The following RAD51B variants were observed in gnomAD, a reference collection of about 807,000 sequenced individuals.
The protein encoded by RAD51B is DNA repair protein RAD51 homolog 2.
RAD51B carries 38 observed loss-of-function variants against 42.2 expected under a neutral mutation model. The observed-to-expected ratio is 0.90, with a 90% CI of 0.70 to 1.18. The LOEUF is 1.18. Ranked by LOEUF, RAD51B falls within the 50% of genes most tolerant of loss-of-function variation. RAD51B has a pLI of 0.00. For synonymous variants in RAD51B, 154 were observed against 145.2 expected (o/e 1.06, Z -0.43); for missense variants, 373 against 400.7 (o/e 0.93, Z 0.59).
At chr14:68,239,089 A>C (rs1429240633) in intron 7 of RAD51B, among the ~76,000 whole-genome samples, 2 of 152,254 alleles carry the variant, frequency 1.3e-5, no homozygotes, top group African/African-American at 4.8e-5. Flanking sequence ...TCACATAGAT[A>C]ACTAAGCTGT....
At chr14:68,194,355 C>G (rs1211078072) in intron 7 of RAD51B, among the ~76,000 whole-genome samples, 1 of 152,096 alleles carries the variant, frequency 6.6e-6, no homozygotes, top group Non-Finnish European at 1.5e-5. Context: ...CTGCTGTGTT[C>G]AGGACTGCTA....
chr14:68,067,403 G>A (rs529915084), intron 7 of RAD51B, among the ~76,000 whole-genome samples: 2 of 149,498 alleles, frequency 1.3e-5, no homozygotes, highest in African/African-American at 4.9e-5. Flanking sequence ...GGTGGAGGTT[G>A]CAGTGAGCCG....
At chr14:68,036,019 A>G (rs946741655) in intron 7 of RAD51B, among the ~76,000 whole-genome samples, 10 of 152,218 alleles carry the variant, frequency 6.6e-5, no homozygotes, top group African/African-American at 2.2e-4. Flanking sequence ...AAAGCTTATC[A>G]AGCTTTTCCC....
At chr14:68,618,533 C>A (rs770866021) in intron 10 of RAD51B, among the ~76,000 whole-genome samples, 2 of 152,092 alleles carry the variant, frequency 1.3e-5, no homozygotes, top group Non-Finnish European at 2.9e-5. Flanking sequence ...AAGTATTGCA[C>A]CTTCCTTTGT....
chr14:68,605,285 T>C (rs553752656), intron 10 of RAD51B, among the ~76,000 whole-genome samples: 1 of 152,360 alleles, frequency 6.6e-6, no homozygotes, highest in South Asian at 2.1e-4. Flanking sequence ...TCCCTGGTGC[T>C]GCAAAGAAAT....
At chr14:67,898,210 C>G (rs1259163223) in intron 7 of RAD51B, among the ~76,000 whole-genome samples, 1 of 152,020 alleles carries the variant, frequency 6.6e-6, no homozygotes, top group Non-Finnish European at 1.5e-5. Context: ...AAGAAAATGT[C>G]ATATACACAC....
At chr14:68,446,439 A>G (rs1174035777) in intron 9 of RAD51B, among the ~76,000 whole-genome samples, 2 of 152,054 alleles carry the variant, frequency 1.3e-5, no homozygotes, top group South Asian at 2.1e-4. Flanking sequence ...TGCCTCTTCA[A>G]TTTTTTTCAG....
intron 7 of RAD51B, among the ~76,000 whole-genome samples, chr14:68,207,127 T>C (rs1274647): frequency 0.18 from 27,404 of 152,042 alleles, 2,693 homozygotes; most frequent in Middle Eastern, 0.36. Context: ...TGTTAAAGAC[T>C]AAGTTCTGGG....
intron 7 of RAD51B, among the ~76,000 whole-genome samples, chr14:68,128,324 C>T (rs963722910): frequency 2.0e-5 from 3 of 152,114 alleles, no homozygotes; most frequent in Non-Finnish European, 2.9e-5. Flanking sequence ...TCAATTAGAT[C>T]GCAAGAGGAG....
chr14:68,056,762 A>T (rs2076482378), intron 7 of RAD51B, among the ~76,000 whole-genome samples: 1 of 151,626 alleles, frequency 6.6e-6, no homozygotes, highest in Non-Finnish European at 1.5e-5. Flanking sequence ...ATAAATAAAT[A>T]AATAAAAATA....
intron 7 of RAD51B, among the ~76,000 whole-genome samples, chr14:68,014,864 AAGG>A (rs1208369709): frequency 6.7e-6 from 1 of 148,266 alleles, no homozygotes; most frequent in Non-Finnish European, 1.5e-5. Context: ...AAAAAAAAAA[AAGG>A]AGCATGTGGA....
At chr14:68,507,665 A>ATT (rs1490017232) in intron 10 of RAD51B, among the ~76,000 whole-genome samples, 1 of 152,206 alleles carries the variant, frequency 6.6e-6, no homozygotes, top group Non-Finnish European at 1.5e-5. Context: ...CCAGCTCACA[A>ATT]TAGACACTCA....
intron 9 of RAD51B, among the ~76,000 whole-genome samples, chr14:68,430,015 C>A (rs1272305355): frequency 6.6e-6 from 1 of 152,056 alleles, no homozygotes; most frequent in Admixed American, 6.6e-5. Context: ...ATCCTTTCCC[C>A]ATTTCTTGAT....
At chr14:68,238,558 G>A (rs560979008) in intron 7 of RAD51B, among the ~76,000 whole-genome samples, 28 of 152,152 alleles carry the variant, frequency 1.8e-4, no homozygotes, top group Middle Eastern at 3.4e-3. Context: ...CCCTTCCTTG[G>A]CCTCCCAAAA....
chr14:68,594,665 G>T lies in RAD51B; in HGVS notation c.*62G>T, dbSNP rs898959583. On this transcript the variant is annotated 3_prime_UTR_variant, in exon 11 of 11. Transcript: ENST00000487270. The stretch of plus-strand genomic sequence containing the variant: ...GCTGATCTCAAACTCCTGGCTTCAA[G>T]AGATCCACCCACCTCAGCCTCCCAA... 74 of 1,283,022 alleles carry T rather than the reference G, an allele frequency of 5.8e-5. No individual in the cohort carries two copies. The African/African-American group carries it at 1.1e-3, about 19-fold the overall frequency. 79.5% of individuals were successfully genotyped at this position (1,283,022 alleles called of 1,614,324 possible).
At chr14:68,271,952 G>A (rs2081112711) in intron 7 of RAD51B, among the ~76,000 whole-genome samples, 1 of 152,210 alleles carries the variant, frequency 6.6e-6, no homozygotes, top group South Asian at 2.1e-4. Context: ...CCAGGGGGAA[G>A]TAAGGCAAAT....
intron 10 of RAD51B, among the ~76,000 whole-genome samples, chr14:68,574,892 G>T (rs1040352864): frequency 2.0e-5 from 3 of 152,154 alleles, no homozygotes; most frequent in Non-Finnish European, 4.4e-5. Flanking sequence ...TATGAAGTGT[G>T]GGGGGGATTG....
At chr14:68,108,592 G>A (rs78393099) in intron 7 of RAD51B, among the ~76,000 whole-genome samples, 2 of 151,986 alleles carry the variant, frequency 1.3e-5, no homozygotes, top group South Asian at 4.2e-4. Flanking sequence ...ATAAGAGATT[G>A]CCAGGATCTA....
chr14:68,539,582 C>T (rs913657087), intron 10 of RAD51B, among the ~76,000 whole-genome samples: 1 of 152,186 alleles, frequency 6.6e-6, no homozygotes, highest in Admixed American at 6.5e-5. Flanking sequence ...AACTGTCAAG[C>T]AAAGGACATG....
Sources: allele counts gnomAD v4.1 joint callset (sites outside exome capture counted in the v4.1 genomes callset), GRCh38; gene constraint gnomAD v4.1.1; transcripts MANE v1.5; gene names NCBI Gene and HGNC (gene_info 2026-07-23, HGNC 2026-07-21).